FARP1: variants seen among roughly 807,000 people sequenced by gnomAD.
FARP1 encodes the protein FERM, ARHGEF and pleckstrin domain-containing protein 1.
Under a neutral mutation model 128.8 loss-of-function variants are expected in FARP1, and 52 were observed. That is an observed-to-expected ratio of 0.40 (90% confidence interval 0.32 to 0.51). The LOEUF (loss-of-function observed/expected upper bound fraction) is 0.51, where lower values mean the gene tolerates loss of function less well. FARP1 is among the 20% of genes least tolerant of loss of function. The pLI, the probability that FARP1 is intolerant of heterozygous loss-of-function variation, is 0.45. For missense variants in FARP1, 1,333 were observed against 1,367.9 expected (o/e 0.97, Z 0.40); for synonymous variants, 580 against 551.8 (o/e 1.05, Z -0.72).
intron 16 of FARP1, 104 bp downstream of exon 16, chr13:98,412,138 C>A: frequency 1.8e-6 from 2 of 1,119,562 alleles, no homozygotes; most frequent in Non-Finnish European, 2.6e-6. Flanking sequence ...AGATGAAAGG[C>A]AGGAAACTGG....
chr13:98,195,073 A>G (rs1353241111), intron 1 of FARP1, among the ~76,000 whole-genome samples: 1 of 152,218 alleles, frequency 6.6e-6, no homozygotes, highest in African/African-American at 2.4e-5. Context: ...TAAGTGCTTC[A>G]AGACTGGCCC....
chr13:98,418,651 A>G (rs989156524), intron 16 of FARP1, among the ~76,000 whole-genome samples: 1 of 152,234 alleles, frequency 6.6e-6, no homozygotes, highest in Non-Finnish European at 1.5e-5. Flanking sequence ...TATAGCTCAC[A>G]GTGCTTTGAG....
chr13:98,406,893 C>G (rs1433917477), intron 13 of FARP1: 1 of 152,458 alleles, frequency 6.6e-6, no homozygotes, highest in Non-Finnish European at 1.5e-5. Flanking sequence ...CGCTGTTGGC[C>G]TTTGAGAGTG....
At chr13:98,222,333 C>A (rs1881460771) in intron 2 of FARP1, among the ~76,000 whole-genome samples, 1 of 152,160 alleles carries the variant, frequency 6.6e-6, no homozygotes, top group Non-Finnish European at 1.5e-5. Flanking sequence ...CTGAAAAATC[C>A]CTTGCTGTGT....
At chr13:98,431,619 G>A (rs371057989) in intron 18 of FARP1, 46 of 178,304 alleles carry the variant, frequency 2.6e-4, no homozygotes, top group Non-Finnish European at 4.8e-4. Context: ...CCGCCACCAC[G>A]CCCGGCTAAT....
intron 1 of FARP1, among the ~76,000 whole-genome samples, chr13:98,206,469 G>A (rs1312916265): frequency 2.0e-5 from 3 of 152,056 alleles, no homozygotes; most frequent in Admixed American, 6.5e-5. Flanking sequence ...TTGAAGCTCC[G>A]CCATTTTTAT....
At chr13:98,173,006 G>A (rs1161973996) in intron 1 of FARP1, among the ~76,000 whole-genome samples, 1 of 152,108 alleles carries the variant, frequency 6.6e-6, no homozygotes, top group Non-Finnish European at 1.5e-5. Flanking sequence ...TAGATAAGTG[G>A]GGAAATACGC....
intron 13 of FARP1, chr13:98,396,381 C>G (rs1207812073): frequency 2.5e-6 from 1 of 399,224 alleles, no homozygotes. Flanking sequence ...TTGGTAACCC[C>G]GCAGTGCTGC....
chr13:98,355,137 C>G (rs1888588386), intron 3 of FARP1, among the ~76,000 whole-genome samples: 1 of 152,050 alleles, frequency 6.6e-6, no homozygotes, highest in Non-Finnish European at 1.5e-5. Flanking sequence ...CACTTGAGCT[C>G]AGGAGTGTAA....
At chr13:98,343,961 T>C in intron 3 of FARP1, 95 bp downstream of exon 3, 1 of 815,848 alleles carries the variant, frequency 1.2e-6, no homozygotes, top group Non-Finnish European at 2.1e-6. Flanking sequence ...GAGTGAGATA[T>C]TTTCATGCTG....
At chr13:98,160,632 G>T (rs1291065798) in intron 1 of FARP1, among the ~76,000 whole-genome samples, 1 of 152,024 alleles carries the variant, frequency 6.6e-6, no homozygotes, top group Non-Finnish European at 1.5e-5. Context: ...GATTGCTTTT[G>T]TCATATTTGC....
chr13:98,264,294 G>A (rs1408530410), intron 2 of FARP1, among the ~76,000 whole-genome samples: 2 of 152,170 alleles, frequency 1.3e-5, no homozygotes, highest in African/African-American at 4.8e-5. Context: ...GTTCAAAAAT[G>A]TTAAAGGGAA....
intron 2 of FARP1, chr13:98,333,582 G>C (rs1183528664): frequency 6.6e-6 from 1 of 152,278 alleles, no homozygotes; most frequent in Non-Finnish European, 1.5e-5. Context: ...AGCTGAAAGG[G>C]CCCATTCTCT....
At chr13:98,245,770 A>G (rs1343462255) in intron 2 of FARP1, among the ~76,000 whole-genome samples, 2 of 152,050 alleles carry the variant, frequency 1.3e-5, no homozygotes, top group African/African-American at 2.4e-5. Context: ...TTTGAGATAA[A>G]TTCTTTTTTT....
intron 24 of FARP1, among the ~76,000 whole-genome samples, chr13:98,442,274 G>A (rs1002847719): frequency 1.3e-5 from 2 of 152,220 alleles, no homozygotes; most frequent in Non-Finnish European, 2.9e-5. Flanking sequence ...GGAACCAACA[G>A]CAGCAGGAAT....
At chr13:98,188,818 G>A (rs1480154392) in intron 1 of FARP1, among the ~76,000 whole-genome samples, 4 of 152,174 alleles carry the variant, frequency 2.6e-5, no homozygotes, top group African/African-American at 4.8e-5. Flanking sequence ...GGGGTGAAAC[G>A]GGGACGCATG....
rs2140049452 is a variant in FARP1 at position 98,388,425 on chromosome 13, A to G, written c.802A>G (p.Lys268Glu). The G allele has an allele frequency of 6.2e-7, 1 of 1,614,122 alleles. No individual in the cohort carries two copies. The highest frequency in any genetic ancestry group is 2.2e-5 in the East Asian group (1 of 44,874). Residue 268 changes from lysine to glutamate, a missense_variant, in exon 9 of 27, where the codon AAG becomes GAG. Lys to Glu is a moderately conservative substitution (Grantham distance 56). Coordinates refer to ENST00000319562, the MANE Select transcript of FARP1 (RefSeq NM_005766.4). ...TGCCTTCAACTGGGCCAAGGTGCGGAAGCTGAGCTTCAAGAGGAAGCGCTT... is the reference window on the plus strand; with the variant it reads ...TGCCTTCAACTGGGCCAAGGTGCGGGAGCTGAGCTTCAAGAGGAAGCGCTT... ...INAFNWAKVR[K>E]LSFKRKRFLI... is the part of the protein sequence containing the mutation.
rs146932749 is a variant in FARP1, at chr13:98,215,977, G to A, written c.171+2564G>A. ...AGCCAATTTTTGTGTTTTTAGTAGA[G>A]ACGGGCTTTTACCATGTTGACCAGG... On this transcript the variant is annotated intron_variant, in intron 2 of 26. Coordinates refer to ENST00000319562, the MANE Select transcript of FARP1 (RefSeq NM_005766.4). Among the ~76,000 whole-genome samples the A allele has an allele frequency of 5.9e-5, 9 of 152,228 alleles. No homozygotes were observed. In the East Asian group the frequency reaches 1.7e-3, roughly 29 times the overall value.
At chr13:98,192,113 C>T (rs544159819) in intron 1 of FARP1, among the ~76,000 whole-genome samples, 47 of 152,100 alleles carry the variant, frequency 3.1e-4, no homozygotes, top group African/African-American at 9.9e-4. Flanking sequence ...ACTTTAACAT[C>T]ATAACAAATT....
Sources: allele counts gnomAD v4.1 joint callset (sites outside exome capture counted in the v4.1 genomes callset), GRCh38; gene constraint gnomAD v4.1.1; transcripts MANE v1.5; gene names NCBI Gene and HGNC (gene_info 2026-07-23, HGNC 2026-07-21).